Variants in PRKAR1A observed in about 807,000 individuals in gnomAD.
The protein encoded by PRKAR1A is protein kinase cAMP-dependent type I regulatory subunit alpha, also known as cAMP-dependent protein kinase type I-alpha regulatory subunit.
In PRKAR1A, 3 loss-of-function variants were observed where a neutral mutation model predicts 52.0. That is an observed-to-expected ratio of 0.06 (90% CI 0.03 to 0.15). The LOEUF (loss-of-function observed/expected upper bound fraction) is 0.15, where lower values mean the gene tolerates loss of function less well. PRKAR1A is among the 10% of genes least tolerant of loss of function. The pLI is 1.00. For missense variants in PRKAR1A, 240 were observed against 477.4 expected, an observed-to-expected ratio of 0.50 and a Z score of 4.63; for synonymous variants, 188 against 168.4, an observed-to-expected ratio of 1.12 and a Z score of -0.90.
intron 11 of PRKAR1A, among the ~76,000 whole-genome samples, chr17:68,546,327 C>A (rs1238445339): frequency 6.6e-6 from 1 of 151,966 alleles, no homozygotes; most frequent in Non-Finnish European, 1.5e-5. Context: ...AGTCTTGAAC[C>A]CCTCAAAGTC....
the PRKAR1A span, among the ~76,000 whole-genome samples, chr17:68,444,863 C>G: frequency 6.6e-6 from 1 of 150,678 alleles, no homozygotes; most frequent in Non-Finnish European, 1.5e-5. Flanking sequence ...CCCTCCATTC[C>G]TCCCTCCCTC....
At chr17:68,487,560 G>C in the PRKAR1A span, among the ~76,000 whole-genome samples, 2 of 152,076 alleles carry the variant, frequency 1.3e-5, no homozygotes, top group African/African-American at 4.8e-5. Context: ...CTGCACTTTG[G>C]GGGGCCAAGG....
the PRKAR1A span, among the ~76,000 whole-genome samples, chr17:68,431,234 A>AC: frequency 6.6e-6 from 1 of 152,150 alleles, no homozygotes; most frequent in Non-Finnish European, 1.5e-5. Flanking sequence ...CTAGTCCAGG[A>AC]CCACAGAGGA....
intron 1 of PRKAR1A, chr17:68,514,752 A>T (rs1600459978): frequency 1.3e-5 from 2 of 152,382 alleles, no homozygotes; most frequent in South Asian, 2.1e-4. Context: ...TTTTACCACT[A>T]GTGTATTATC....
At chr17:68,434,226 T>G in the PRKAR1A span, among the ~76,000 whole-genome samples, 2 of 152,152 alleles carry the variant, frequency 1.3e-5, no homozygotes, top group Non-Finnish European at 2.9e-5. Flanking sequence ...ACAGTCACAC[T>G]TTACATCGTC....
rs1396360533 is a variant in PRKAR1A at position 68,522,841 on chromosome 17, A to G, written c.263A>G (p.Asn88Ser). 1 of 1,613,982 alleles carries G rather than the reference A, an allele frequency of 6.2e-7. No homozygotes were observed. Among genetic ancestry groups the G allele is most frequent in the East Asian group, 2.2e-5 (1 of 44,882 alleles). The change falls in exon 3 of 11, where the codon AAC (asparagine) becomes AGC (serine). Residue 88 changes from asparagine (N) to serine (S), a missense_variant. Coordinates refer to ENST00000589228, the MANE Select transcript of PRKAR1A (RefSeq NM_002734.5). Reference protein sequence around the residue: ...REDEISPPPPNPVVKGRRRRG... With the variant: ...REDEISPPPPSPVVKGRRRRG... ...GATGAGATTTCTCCTCCTCCACCCAACCCAGTGGTTAAAGGTAGGAGGCGA... is the reference window on the plus strand; with the variant it reads ...GATGAGATTTCTCCTCCTCCACCCAGCCCAGTGGTTAAAGGTAGGAGGCGA...
intron 11 of PRKAR1A, chr17:68,539,428 C>T (rs960813011): frequency 5.6e-6 from 9 of 1,601,162 alleles, no homozygotes; most frequent in African/African-American, 2.7e-5. Flanking sequence ...TATGGGTGGC[C>T]GGCAGCATCC....
chr17:68,450,064 G>T, the PRKAR1A span, among the ~76,000 whole-genome samples: 2 of 152,100 alleles, frequency 1.3e-5, no homozygotes, highest in Non-Finnish European at 2.9e-5. Flanking sequence ...AAGGAAATCT[G>T]CTAACACCCC....
chr17:68,498,707 G>A, the PRKAR1A span, among the ~76,000 whole-genome samples: 1 of 152,298 alleles, frequency 6.6e-6, no homozygotes, highest in South Asian at 2.1e-4. Context: ...TCCATCCCAC[G>A]CCACTGCCCG....
chr17:68,536,915 G>A (rs1274429054), downstream of PRKAR1A: 1 of 454,024 alleles, frequency 2.2e-6, no homozygotes, highest in African/African-American at 2.0e-5. Flanking sequence ...TCCAGGACCG[G>A]GCAGTAGGGA....
chr17:68,459,937 C>T, the PRKAR1A span, among the ~76,000 whole-genome samples: 1 of 151,766 alleles, frequency 6.6e-6, no homozygotes, highest in African/African-American at 2.4e-5. Context: ...TCTCCTGCCT[C>T]AGCCTCCCAA....
the PRKAR1A span, among the ~76,000 whole-genome samples, chr17:68,496,818 C>CTTTTTTTTTTTTTTTTTTTTTT: frequency 2.2e-5 from 2 of 91,240 alleles, no homozygotes; most frequent in African/African-American, 4.1e-5. Context: ...TTAGTTTTTA[C>CTTTTTTTTTTTTTTTTTTTTTT]TTTTTTTTTT....
chr17:68,522,795 A>G lies in PRKAR1A; in HGVS notation c.217A>G (p.Thr73Ala). The G allele has an allele frequency of 1.2e-6, 2 of 1,614,056 alleles. No homozygotes were observed. Among genetic ancestry groups the G allele is most frequent in the Non-Finnish European group, 8.5e-7 (1 of 1,179,964 alleles). ...KQIQNLQKAG[T>A]RTDSREDEIS... ...GATTCAGAATCTGCAGAAAGCAGGCACTCGTACAGACTCAAGGGAGGATGA... is the reference window on the plus strand; with the variant it reads ...GATTCAGAATCTGCAGAAAGCAGGCGCTCGTACAGACTCAAGGGAGGATGA... The change falls in exon 3 of 11, where the codon ACT (threonine) becomes GCT (alanine). Residue 73 changes from threonine to alanine, a missense_variant. By Grantham distance (58) the Thr-to-Ala change is moderately conservative. This residue lies in a region of PRKAR1A where 107 missense variants were observed against 114.6 expected (regional missense o/e 0.93). Coordinates refer to ENST00000589228, the MANE Select transcript of PRKAR1A (RefSeq NM_002734.5).
downstream of PRKAR1A, chr17:68,535,543 A>G (rs1194503250): frequency 2.2e-6 from 1 of 454,092 alleles, no homozygotes; most frequent in African/African-American, 2.0e-5. Context: ...ATCCACAGGG[A>G]AGAAACATCT....
chr17:68,450,804 T>C, the PRKAR1A span: 9 of 1,614,088 alleles, frequency 5.6e-6, no homozygotes, highest in Non-Finnish European at 6.8e-6. Context: ...CTTGAAGTGA[T>C]ACACGTTCAT....
At chr17:68,457,490 G>T in the PRKAR1A span, 1 of 1,302,166 alleles carries the variant, frequency 7.7e-7, no homozygotes, top group East Asian at 3.3e-5. Flanking sequence ...GCCCGCGCCG[G>T]CTCCACGGGC....
At chr17:68,457,497 G>A in the PRKAR1A span, 4 of 1,263,604 alleles carry the variant, frequency 3.2e-6, no homozygotes, top group Non-Finnish European at 3.0e-6. Context: ...CCGGCTCCAC[G>A]GGCCGGGTCG....
At chr17:68,541,747 C>A (rs944374781) in intron 11 of PRKAR1A, 3 of 465,092 alleles carry the variant, frequency 6.5e-6, no homozygotes, top group African/African-American at 3.9e-5. Context: ...TCTGAGTCTT[C>A]CATTTCTGTA....
chr17:68,465,027 A>G, the PRKAR1A span, among the ~76,000 whole-genome samples: 1 of 149,864 alleles, frequency 6.7e-6, no homozygotes, highest in Non-Finnish European at 1.5e-5. Context: ...CCAGGTTCAC[A>G]CCATTCTCCT....
Sources: allele counts gnomAD v4.1 joint callset (sites outside exome capture counted in the v4.1 genomes callset), GRCh38; gene constraint gnomAD v4.1.1; regional missense constraint gnomAD v4.1.1; transcripts MANE v1.5; gene names NCBI Gene and HGNC (gene_info 2026-07-23, HGNC 2026-07-21).